The following STK39 variants were observed in gnomAD, a reference collection of about 807,000 sequenced individuals.
STK39 encodes serine/threonine kinase 39, also known as STE20/SPS1-related proline-alanine-rich protein kinase.
A neutral mutation model predicts 77.8 loss-of-function variants in STK39; 20 were observed. The observed-to-expected ratio is 0.26, with a 90% CI of 0.18 to 0.37. The LOEUF (loss-of-function observed/expected upper bound fraction) is 0.37. Among genes scored for constraint, STK39 ranks in the 10% least tolerant of loss-of-function variants. The pLI is 1.00. For missense variants in STK39, 479 were observed against 656.5 expected, an observed-to-expected ratio of 0.73 and a Z score of 2.95; for synonymous variants, 246 against 234.1, an observed-to-expected ratio of 1.05 and a Z score of -0.47.
chr2:168,063,540 C>T lies in STK39; in HGVS notation c.1336G>A (p.Glu446Lys). ...AGGTTCACGGCACAAGAAGAAGCTT[C>T]TCTGTAGTCTTCATTAGCATTGGGT... ...GPPNANEDYR[E>K]ASSCAVNLVL... The change falls in exon 14 of 18, where the codon GAA (glutamate) becomes AAA (lysine). Residue 446 changes from glutamate to lysine, a missense_variant. Coordinates refer to ENST00000355999, the MANE Select transcript of STK39 (RefSeq NM_013233.3). 6.2e-7 allele frequency: 1 copy of T among 1,613,234 alleles called. No individual in the cohort carries two copies.
chr2:168,196,854 T>G lies in STK39; in HGVS notation c.209-14764A>C, dbSNP rs1347243081. ...GGCAAAAGGCCTCAGATAGGAATGA[T>G]TTTGGAGAGCTCAAGGGACAAAGAC... On this transcript the variant is annotated intron_variant, in intron 1 of 17. Coordinates refer to ENST00000355999, the MANE Select transcript of STK39 (RefSeq NM_013233.3). 4.6e-5 allele frequency among the ~76,000 whole-genome samples: 7 copies of G among 151,974 alleles called. No homozygotes were observed. In the East Asian group the frequency reaches 1.2e-3, roughly 25 times the overall value.
chr2:168,098,620 G>C (rs1397935432), intron 10 of STK39, among the ~76,000 whole-genome samples: 1 of 152,044 alleles, frequency 6.6e-6, no homozygotes, highest in Admixed American at 6.6e-5. Flanking sequence ...TTTATTTTCT[G>C]CTCCCATTTT....
At chr2:168,179,282 C>T (rs142891539) in intron 2 of STK39, among the ~76,000 whole-genome samples, 33 of 152,334 alleles carry the variant, frequency 2.2e-4, no homozygotes, top group Admixed American at 9.8e-4. Flanking sequence ...GTGCAAGCAA[C>T]AGCAGTATTA....
intron 14 of STK39, among the ~76,000 whole-genome samples, chr2:168,021,545 C>A (rs1255731128): frequency 6.6e-6 from 1 of 152,096 alleles, no homozygotes; most frequent in Non-Finnish European, 1.5e-5. Flanking sequence ...GCACAGGACA[C>A]TCTTGATTTC....
Position 168,155,645 on chromosome 2 carries a change from G to C in STK39, c.628+6142C>G, listed in dbSNP as rs549288208. On this transcript the variant is annotated intron_variant, in intron 5 of 17. Coordinates refer to ENST00000355999, the MANE Select transcript of STK39 (RefSeq NM_013233.3). ...AGTTGCCTCTTCATTCATGTTCTCT[G>C]CTTCACTCTTCCTTAACTTTAGCCT... 4.0e-5 allele frequency among the ~76,000 whole-genome samples: 6 copies of C among 151,332 alleles called. 1 individual carries two copies. The highest frequency in any genetic ancestry group is 1.5e-4 in the African/African-American group (6 of 41,268).
At chr2:168,172,913 T>C (rs1040005445) in intron 2 of STK39, among the ~76,000 whole-genome samples, 21 of 152,312 alleles carry the variant, frequency 1.4e-4, no homozygotes, top group African/African-American at 4.3e-4. Flanking sequence ...TGGCTGCATA[T>C]TGAAATCACC....
At chr2:168,158,964 G>A (rs1688502973) in intron 5 of STK39, among the ~76,000 whole-genome samples, 1 of 152,088 alleles carries the variant, frequency 6.6e-6, no homozygotes, top group Non-Finnish European at 1.5e-5. Flanking sequence ...AATAAAGTGA[G>A]GGTTTCTCAT....
intron 16 of STK39, among the ~76,000 whole-genome samples, chr2:167,969,145 T>C (rs527398352): frequency 3.7e-4 from 57 of 152,350 alleles, no homozygotes; most frequent in South Asian, 1.7e-3. Context: ...TGAGGATTAA[T>C]TCACACACAT....
chr2:168,181,639 C>A (rs1391319255), intron 2 of STK39, among the ~76,000 whole-genome samples: 1 of 152,248 alleles, frequency 6.6e-6, no homozygotes, highest in South Asian at 2.1e-4. Context: ...CAGAAGCTCA[C>A]CATCCAAAAC....
intron 10 of STK39, among the ~76,000 whole-genome samples, chr2:168,106,378 A>G (rs2105461190): frequency 6.6e-6 from 1 of 152,322 alleles, no homozygotes; most frequent in African/African-American, 2.4e-5. Context: ...GACTTAGTTT[A>G]AACTTAATAA....
chr2:167,978,576 G>T (rs1364985079), intron 16 of STK39, among the ~76,000 whole-genome samples: 1 of 152,108 alleles, frequency 6.6e-6, no homozygotes, highest in Non-Finnish European at 1.5e-5. Flanking sequence ...TTATACTAAT[G>T]TAAGCAGCTT....
At chr2:167,962,133 G>A (rs562459801) in intron 17 of STK39, among the ~76,000 whole-genome samples, 7 of 152,210 alleles carry the variant, frequency 4.6e-5, no homozygotes, top group Middle Eastern at 3.4e-3. Context: ...GGCCCCTGAC[G>A]TTTTCCTTTA....
chr2:168,146,659 T>A (rs1023293763), intron 5 of STK39, among the ~76,000 whole-genome samples: 1 of 152,176 alleles, frequency 6.6e-6, no homozygotes, highest in Non-Finnish European at 1.5e-5. Flanking sequence ...GAGCACCAGG[T>A]AAGGGAATTT....
chr2:168,234,907 C>A (rs1237020464), intron 1 of STK39, among the ~76,000 whole-genome samples: 1 of 151,804 alleles, frequency 6.6e-6, no homozygotes, highest in Non-Finnish European at 1.5e-5. Flanking sequence ...AGTCCCAGTA[C>A]CTTGGGAGGC....
At chr2:168,222,681 C>G (rs932216874) in intron 1 of STK39, among the ~76,000 whole-genome samples, 3 of 152,100 alleles carry the variant, frequency 2.0e-5, no homozygotes, top group African/African-American at 7.2e-5. Flanking sequence ...GAAAAGAGAA[C>G]TTTTATCTAT....
At chr2:168,165,132 A>G (rs1419793268) in intron 3 of STK39, among the ~76,000 whole-genome samples, 1 of 152,206 alleles carries the variant, frequency 6.6e-6, no homozygotes, top group Non-Finnish European at 1.5e-5. Context: ...GATAATTCCA[A>G]AAACATTTTC....
chr2:168,185,019 T>TA (rs1163676766), intron 1 of STK39, among the ~76,000 whole-genome samples: 1 of 152,180 alleles, frequency 6.6e-6, no homozygotes, highest in African/African-American at 2.4e-5. Flanking sequence ...AAGAGGAAGC[T>TA]AAAAAATGTG....
intron 14 of STK39, among the ~76,000 whole-genome samples, chr2:168,058,078 C>T (rs1383131315): frequency 6.6e-6 from 1 of 152,078 alleles, no homozygotes; most frequent in Non-Finnish European, 1.5e-5. Context: ...AGTTTTGATC[C>T]CTTGTGTTGA....
Position 168,247,476 on chromosome 2 carries a change from A to G in STK39, c.-41T>C, listed in dbSNP as rs1690966058. ...AGCAGGAGGACGCGCCGGCCGACGG[A>G]CGACCTTCCACTTGAAACTTCCTTT... On this transcript the variant is annotated 5_prime_UTR_variant, in exon 1 of 18. Transcript: ENST00000355999. 2.3e-6 allele frequency: 3 copies of G among 1,278,048 alleles called. No homozygotes were observed. The highest frequency in any genetic ancestry group is 1.7e-5 in the South Asian group (1 of 58,432). The allele number at this position is 1,278,048 out of a possible 1,614,324, so 79.2% of individuals were successfully genotyped here.
Sources: allele counts gnomAD v4.1 joint callset (sites outside exome capture counted in the v4.1 genomes callset), GRCh38; gene constraint gnomAD v4.1.1; transcripts MANE v1.5; gene names NCBI Gene and HGNC (gene_info 2026-07-23, HGNC 2026-07-21).